Variants in CFAP47 observed in about 807,000 individuals in gnomAD.
The protein encoded by CFAP47 is cilia- and flagella-associated protein 47.
CFAP47 carries 29 observed loss-of-function variants against 148.1 expected under a neutral mutation model. The ratio of observed to expected loss-of-function variants is 0.20; its 90% CI spans 0.15 to 0.27. CFAP47 has a LOEUF of 0.27. Among genes scored for constraint, CFAP47 ranks in the 10% least tolerant of loss-of-function variants. CFAP47 has a pLI of 1.00. For synonymous variants in CFAP47, 664 were observed against 577.3 expected, an observed-to-expected ratio of 1.15 and a Z score of -2.15; for missense variants, 1,872 against 1,697.5, an observed-to-expected ratio of 1.10 and a Z score of -1.81.
intron 2 of CFAP47, among the ~76,000 whole-genome samples, chrX:35,931,149 T>G (rs1434151771): frequency 9.0e-6 from 1 of 111,281 alleles, no homozygotes; most frequent in Non-Finnish European, 1.9e-5. Context: ...TGTATTTAAT[T>G]TTTTTTAAAG....
chrX:36,162,580 G>A (rs1411368573), intron 39 of CFAP47, among the ~76,000 whole-genome samples: 1 of 110,988 alleles, frequency 9.0e-6, no homozygotes, highest in African/African-American at 3.3e-5. Flanking sequence ...CCCCAATATT[G>A]TATGCATAAG....
chrX:36,063,866 C>A (rs766154944), intron 26 of CFAP47, among the ~76,000 whole-genome samples: 2 of 111,810 alleles, frequency 1.8e-5, no homozygotes, highest in Non-Finnish European at 3.8e-5. Flanking sequence ...CAACCTAATC[C>A]TGTAGGTTTC....
At position 35,937,664 on chromosome X, in the gene CFAP47, T is replaced by C. The variant is rs142671215; in HGVS notation, c.402-3619T>C. On this transcript the variant is annotated intron_variant, in intron 2 of 63. Coordinates refer to ENST00000378653, the MANE Select transcript of CFAP47 (RefSeq NM_001304548.2). ...GGTCCAGGGGAGTTTTATTTTTTTC[T>C]ATAATCTAAATTGTATATACTCAGT... Among the ~76,000 whole-genome samples, 922 of 111,229 alleles carry C rather than the reference T, an allele frequency of 8.3e-3. 3 individuals are homozygous for C. The highest frequency in any genetic ancestry group is 0.013 in the Non-Finnish European group (708 of 53,024).
At chrX:36,153,052 T>C (rs1230770771) in intron 37 of CFAP47, among the ~76,000 whole-genome samples, 2 of 105,924 alleles carry the variant, frequency 1.9e-5, no homozygotes, top group East Asian at 2.8e-4. Flanking sequence ...ATAAGTCTTG[T>C]ATTTAGGGTT....
rs1408623920 is a variant in CFAP47 at position 35,926,168 on chromosome X, G to A, written c.401G>A (p.Gly134Glu). Residue 134 changes from glycine (G) to glutamate (E), a missense_variant and splice_region_variant, in exon 2 of 64, where the codon GGG becomes GAG. Coordinates refer to ENST00000378653, the MANE Select transcript of CFAP47 (RefSeq NM_001304548.2). ...ENKTTEIPLI[G>E]LIPSCQLEIE... ...AAAACAACAGAAATTCCTCTAATTG[G>A]GTATGTAATCTTCATAGTTCATGCT... The A allele has an allele frequency of 1.7e-6, 2 of 1,186,369 alleles. No individual in the cohort carries two copies. The highest frequency in any genetic ancestry group is 4.4e-5 in the Admixed American group (2 of 45,453).
At chrX:36,054,995 A>G (rs2146742481) in intron 26 of CFAP47, among the ~76,000 whole-genome samples, 1 of 109,528 alleles carries the variant, frequency 9.1e-6, no homozygotes, top group Non-Finnish European at 1.9e-5. Flanking sequence ...GATGGTCTCG[A>G]TCTCCTGACC....
rs1388166915 is a variant in CFAP47 at position 36,251,418 on chromosome X, G to A, written c.7418G>A (p.Arg2473His). The stretch of plus-strand genomic sequence containing the variant: ...GAAATTCTGTACCTGATTCATGTGC[G>A]CCCTTGGAAACGTGGTATATTGAAA... ...YKEILYLIHV[R>H]PWKRGILKGT... Residue 2473 changes from arginine (R) to histidine (H), a missense_variant, in exon 49 of 64, where the codon CGC becomes CAC. Coordinates refer to ENST00000378653, the MANE Select transcript of CFAP47 (RefSeq NM_001304548.2). 8 of 504,612 alleles carry A rather than the reference G, an allele frequency of 1.6e-5. No homozygotes were observed. The highest frequency in any genetic ancestry group is 7.7e-5 in the South Asian group (3 of 39,049). The allele number at this position is 504,612 out of a possible 1,213,427, so 41.6% of individuals were successfully genotyped here.
At chrX:36,285,124 T>G (rs1258161978) in intron 50 of CFAP47, among the ~76,000 whole-genome samples, 1 of 111,057 alleles carries the variant, frequency 9.0e-6, no homozygotes, top group African/African-American at 3.3e-5. Flanking sequence ...AGAATTTCCT[T>G]GGGCTAAATT....
intron 42 of CFAP47, among the ~76,000 whole-genome samples, chrX:36,194,756 A>G (rs782398827): frequency 7.2e-5 from 8 of 111,711 alleles, no homozygotes; most frequent in Admixed American, 1.9e-4. Flanking sequence ...AGACAGCACT[A>G]GAGGAATGGT....
At chrX:36,234,887 C>A (rs1285589200) in intron 46 of CFAP47, among the ~76,000 whole-genome samples, 1 of 111,818 alleles carries the variant, frequency 8.9e-6, no homozygotes, top group Non-Finnish European at 1.9e-5. Context: ...CCACTCCAGA[C>A]CCTGTTTGCC....
intron 3 of CFAP47, among the ~76,000 whole-genome samples, chrX:35,946,411 G>A (rs184814520): frequency 2.1e-4 from 23 of 111,704 alleles, no homozygotes; most frequent in African/African-American, 7.1e-4. Context: ...TTATGTCTAA[G>A]TAGTTACAAT....
chrX:36,161,771 A>T (rs1424804305), intron 39 of CFAP47, among the ~76,000 whole-genome samples: 1 of 112,112 alleles, frequency 8.9e-6, no homozygotes, highest in African/African-American at 3.2e-5. Flanking sequence ...TAATCACTGT[A>T]TGTAAAGGAT....
chrX:36,230,008 C>G (rs1325431335), intron 46 of CFAP47, among the ~76,000 whole-genome samples: 2 of 108,830 alleles, frequency 1.8e-5, no homozygotes, highest in Non-Finnish European at 3.8e-5. Flanking sequence ...TCCAGTCTAT[C>G]ATTGTTGGGC....
chrX:35,925,597 A>G (rs1935726105), intron 1 of CFAP47, among the ~76,000 whole-genome samples: 1 of 112,190 alleles, frequency 8.9e-6, no homozygotes, highest in African/African-American at 3.2e-5. Flanking sequence ...GCATTAGGGC[A>G]GGAATAGAGC....
intron 33 of CFAP47, among the ~76,000 whole-genome samples, chrX:36,131,905 TAAA>T (rs1240587177): frequency 9.0e-6 from 1 of 111,227 alleles, no homozygotes; most frequent in African/African-American, 3.2e-5. Flanking sequence ...TATGTGTTGA[TAAA>T]AATATTTTAA....
intron 37 of CFAP47, among the ~76,000 whole-genome samples, chrX:36,155,717 G>A (rs1156491783): frequency 1.8e-5 from 2 of 110,980 alleles, no homozygotes; most frequent in East Asian, 5.7e-4. Flanking sequence ...ATGTGGATAA[G>A]GCTATGTACC....
intron 21 of CFAP47, among the ~76,000 whole-genome samples, chrX:36,006,875 T>A (rs1936987636): frequency 8.9e-6 from 1 of 112,196 alleles, no homozygotes; most frequent in African/African-American, 3.2e-5. Flanking sequence ...TTAAATTTAT[T>A]AAAATTAAGC....
In CFAP47 at chrX:36,085,490, G is replaced by T; in HGVS notation, c.4868G>T (p.Arg1623Met). ...QSLPVDNHEK[R>M]VIQLHLQHSS... ...TTACCTGTAGATAACCATGAAAAAAGGGTAATTCAACTCCATTTGCAACAT... is the reference window on the plus strand; with the variant it reads ...TTACCTGTAGATAACCATGAAAAAATGGTAATTCAACTCCATTTGCAACAT... The change falls in exon 30 of 64, where the codon AGG becomes ATG. Residue 1623 changes from arginine (R) to methionine (M), a missense_variant. Coordinates refer to ENST00000378653, the MANE Select transcript of CFAP47 (RefSeq NM_001304548.2). 8.3e-7 allele frequency: 1 copy of T among 1,206,303 alleles called. No individual in the cohort carries two copies. Among genetic ancestry groups the T allele is most frequent in the South Asian group, 1.8e-5 (1 of 56,735 alleles).
chrX:36,257,580 T>A (rs1940769047), intron 49 of CFAP47, among the ~76,000 whole-genome samples: 1 of 110,342 alleles, frequency 9.1e-6, no homozygotes. Context: ...TGTACCACCA[T>A]GCCTGGCTGT....
Sources: gnomAD v4.1 joint callset for allele counts (sites outside exome capture counted in the v4.1 genomes callset) on GRCh38, gnomAD v4.1.1 for gene constraint, MANE v1.5 for transcripts, NCBI Gene and HGNC (gene_info 2026-07-23, HGNC 2026-07-21) for gene names.